HTR2C: variants seen among roughly 807,000 people sequenced by gnomAD.
HTR2C encodes 5-hydroxytryptamine receptor 2C.
HTR2C carries 5 observed loss-of-function variants against 21.0 expected under a neutral mutation model. That is an observed-to-expected ratio of 0.24 (90% CI 0.12 to 0.50). The LOEUF is 0.50. Among genes scored for constraint, HTR2C ranks in the 20% least tolerant of loss-of-function variants. The probability of loss-of-function intolerance (pLI) is 0.98; values close to 1 mark genes in which losing one functional copy is unlikely to be tolerated. For missense variants in HTR2C, 271 were observed against 371.2 expected (o/e 0.73, Z 2.22); for synonymous variants, 150 against 145.3 (o/e 1.03, Z -0.23).
intron 4 of HTR2C, among the ~76,000 whole-genome samples, chrX:114,783,312 G>A (rs1201643132): frequency 8.9e-6 from 1 of 111,755 alleles, no homozygotes; most frequent in African/African-American, 3.2e-5. Context: ...ATTAGTAACT[G>A]AAAGAAAGAT....
chrX:114,825,202 T>A (rs184350601), intron 4 of HTR2C, among the ~76,000 whole-genome samples: 1 of 111,900 alleles, frequency 8.9e-6, no homozygotes. Flanking sequence ...GCACTTTAAT[T>A]TTGGAAGCTT....
chrX:114,802,748 TA>T (rs1556447325), intron 4 of HTR2C, among the ~76,000 whole-genome samples: 2 of 102,956 alleles, frequency 1.9e-5, no homozygotes, highest in African/African-American at 3.6e-5. Context: ...CTTATTATTA[TA>T]CTTTAAGTTT....
intron 2 of HTR2C, among the ~76,000 whole-genome samples, chrX:114,700,599 C>T (rs1569485033): frequency 1.8e-5 from 2 of 112,537 alleles, no homozygotes; most frequent in Non-Finnish European, 3.8e-5. Flanking sequence ...CAAATAGGAA[C>T]AGCTCCAGTC....
At chrX:114,752,226 TAGAC>T (rs1274213341) in intron 4 of HTR2C, among the ~76,000 whole-genome samples, 5 of 111,967 alleles carry the variant, frequency 4.5e-5, no homozygotes, top group East Asian at 2.8e-4. Flanking sequence ...TTTAATACCT[TAGAC>T]AGCACATGTT....
At chrX:114,734,122 A>G (rs1556423932) in intron 4 of HTR2C, among the ~76,000 whole-genome samples, 1 of 111,511 alleles carries the variant, frequency 9.0e-6, no homozygotes, top group Non-Finnish European at 1.9e-5. Context: ...AGAAAAATAC[A>G]TCATATCAGG....
intron 4 of HTR2C, among the ~76,000 whole-genome samples, chrX:114,777,910 T>A (rs2070075302): frequency 8.9e-6 from 1 of 111,964 alleles, no homozygotes; most frequent in Admixed American, 9.5e-5. Flanking sequence ...AAAGCTGAAA[T>A]GTTCAGTTCC....
Position 114,907,148 on chromosome X carries a change from G to C in HTR2C, c.1110G>C (p.Leu370=). 2 of 1,211,259 alleles carry C rather than the reference G, an allele frequency of 1.7e-6. No homozygotes were observed. Among genetic ancestry groups the C allele is most frequent in the Non-Finnish European group, 2.2e-6 (2 of 895,214 alleles). Residue 370 remains leucine, a synonymous_variant, in exon 6 of 6, where the codon CTG becomes CTC. Transcript: ENST00000276198. ...GAATCAATCCTCTGGTGTATACTCT[G>C]TTCAACAAAATTTACCGAAGGGCAT... is the stretch of plus-strand genomic sequence containing the variant. ...CSGINPLVYT[L]FNKIYRRAFS... is the part of the protein sequence containing the mutation.
intron 4 of HTR2C, among the ~76,000 whole-genome samples, chrX:114,846,108 A>G (rs2070872117): frequency 9.0e-6 from 1 of 111,610 alleles, no homozygotes; most frequent in Admixed American, 9.6e-5. Flanking sequence ...CTAAAAACAC[A>G]CATACTACCA....
chrX:114,895,690 G>A (rs1408230459), intron 5 of HTR2C, among the ~76,000 whole-genome samples: 1 of 111,279 alleles, frequency 9.0e-6, no homozygotes, highest in Non-Finnish European at 1.9e-5. Flanking sequence ...GACATTTAGT[G>A]TTAAAATTTC....
chrX:114,836,876 T>A (rs1192864235), intron 4 of HTR2C, among the ~76,000 whole-genome samples: 1 of 112,476 alleles, frequency 8.9e-6, no homozygotes, highest in African/African-American at 3.2e-5. Flanking sequence ...TAAATTTTTT[T>A]ATGTACACAA....
chrX:114,644,283 T>C (rs192234677), intron 2 of HTR2C, among the ~76,000 whole-genome samples: 228 of 97,473 alleles, frequency 2.3e-3, no homozygotes, highest in African/African-American at 8.2e-3. Flanking sequence ...GAGGTGGAGG[T>C]TGCAATGAGT....
At chrX:114,823,397 G>A (rs2070652079) in intron 4 of HTR2C, 1 of 340,153 alleles carries the variant, frequency 2.9e-6, no homozygotes, top group South Asian at 2.6e-5. Context: ...ATCAATCAAT[G>A]TCAAGCCTTT....
At chrX:114,877,185 T>G (rs1486536660) in intron 5 of HTR2C, among the ~76,000 whole-genome samples, 2 of 111,489 alleles carry the variant, frequency 1.8e-5, no homozygotes, top group Admixed American at 1.9e-4. Context: ...GGTTGTATGT[T>G]TTTAAAGAAA....
chrX:114,774,812 C>A, intron 4 of HTR2C: 1 of 436,814 alleles, frequency 2.3e-6, no homozygotes, highest in East Asian at 4.0e-5. Context: ...AATGCTACAT[C>A]TATATTTATG....
At chrX:114,592,414 T>G (rs1309699956) in intron 1 of HTR2C, among the ~76,000 whole-genome samples, 1 of 112,076 alleles carries the variant, frequency 8.9e-6, no homozygotes, top group Non-Finnish European at 1.9e-5. Flanking sequence ...TGTACAAACA[T>G]AGTGGATATT....
At chrX:114,661,306 G>A (rs1363558337) in intron 2 of HTR2C, among the ~76,000 whole-genome samples, 1 of 110,571 alleles carries the variant, frequency 9.0e-6, no homozygotes, top group African/African-American at 3.3e-5. Context: ...TACCGCCGTG[G>A]TGGTGGGCGC....
chrX:114,669,008 C>A (rs928375803), intron 2 of HTR2C, among the ~76,000 whole-genome samples: 2 of 110,861 alleles, frequency 1.8e-5, no homozygotes, highest in Non-Finnish European at 3.8e-5. Context: ...TAGATACTTT[C>A]TTTCAAATGA....
intron 4 of HTR2C, among the ~76,000 whole-genome samples, chrX:114,821,878 C>CTTT (rs782532204): frequency 1.1e-5 from 1 of 93,971 alleles, no homozygotes; most frequent in Non-Finnish European, 2.1e-5. Context: ...ACTAAATATC[C>CTTT]TTTTTTTTTT....
chrX:114,666,090 T>C (rs1931165631), intron 2 of HTR2C, among the ~76,000 whole-genome samples: 1 of 112,040 alleles, frequency 8.9e-6, no homozygotes, highest in African/African-American at 3.2e-5. Flanking sequence ...AAATTATATC[T>C]AGAACCAGAA....
Sources: allele counts gnomAD v4.1 joint callset (sites outside exome capture counted in the v4.1 genomes callset), GRCh38; gene constraint gnomAD v4.1.1; transcripts MANE v1.5; gene names NCBI Gene and HGNC (gene_info 2026-07-23, HGNC 2026-07-21).